NEGR1: variants seen among roughly 807,000 people sequenced by gnomAD.
The protein encoded by NEGR1 is neuronal growth regulator 1, also known as IgLON family member 4.
In NEGR1, 10 loss-of-function variants were observed where a neutral mutation model predicts 40.9. That is an observed-to-expected ratio of 0.24 (90% confidence interval 0.15 to 0.42). NEGR1 has a LOEUF of 0.42. NEGR1 is among the 10% of genes least tolerant of loss of function. The pLI is 1.00. For missense variants in NEGR1, 352 were observed against 438.9 expected (o/e 0.80, Z 1.77); for synonymous variants, 185 against 166.8 (o/e 1.11, Z -0.84).
intron 1 of NEGR1, among the ~76,000 whole-genome samples, chr1:72,177,040 G>T (rs1652192579): frequency 6.6e-6 from 1 of 152,034 alleles, no homozygotes; most frequent in South Asian, 2.1e-4. Context: ...AATGACTAAA[G>T]AAATAATTAT....
intron 2 of NEGR1, among the ~76,000 whole-genome samples, chr1:71,855,951 C>G (rs912037022): frequency 3.3e-5 from 5 of 151,902 alleles, no homozygotes; most frequent in Admixed American, 2.6e-4. Context: ...ACAGCCATAC[C>G]ACACAACTCC....
intron 2 of NEGR1, among the ~76,000 whole-genome samples, chr1:71,810,919 T>C (rs1265607616): frequency 6.6e-6 from 1 of 152,192 alleles, no homozygotes; most frequent in Admixed American, 6.6e-5. Context: ...AGCATTTCTT[T>C]ATAGCAGCGC....
At chr1:71,654,001 T>G (rs980656307) in intron 4 of NEGR1, among the ~76,000 whole-genome samples, 10 of 152,130 alleles carry the variant, frequency 6.6e-5, no homozygotes, top group Non-Finnish European at 1.5e-4. Context: ...TGGCTGTGTA[T>G]TATTCAAACT....
intron 4 of NEGR1, among the ~76,000 whole-genome samples, chr1:71,620,054 T>C (rs1003361923): frequency 2.6e-5 from 4 of 151,996 alleles, no homozygotes; most frequent in Admixed American, 6.6e-5. Context: ...AATGAAACTT[T>C]AGAGTTCCAA....
At chr1:71,862,969 A>G (rs1327714208) in intron 2 of NEGR1, among the ~76,000 whole-genome samples, 2 of 152,124 alleles carry the variant, frequency 1.3e-5, no homozygotes, top group African/African-American at 4.8e-5. Flanking sequence ...CAAGGTTGCA[A>G]AGAAAAAGGA....
intron 1 of NEGR1, among the ~76,000 whole-genome samples, chr1:72,017,674 A>ATT (rs926267390): frequency 1.4e-5 from 2 of 146,986 alleles, no homozygotes; most frequent in Admixed American, 6.8e-5. Context: ...CAATCCAATT[A>ATT]TTTTTTTTTT....
intron 2 of NEGR1, among the ~76,000 whole-genome samples, chr1:71,902,835 CTTCTAA>C (rs915108753): frequency 1.3e-5 from 2 of 151,886 alleles, no homozygotes; most frequent in African/African-American, 2.4e-5. Flanking sequence ...CAAGATGTCA[CTTCTAA>C]TTCTAAAGTA....
chr1:71,678,304 T>C (rs913189867), intron 4 of NEGR1, among the ~76,000 whole-genome samples: 6 of 152,178 alleles, frequency 3.9e-5, no homozygotes, highest in Admixed American at 1.3e-4. Flanking sequence ...TATGAACATA[T>C]GTAAACTGAA....
At chr1:72,141,860 T>C (rs1458348106) in intron 1 of NEGR1, among the ~76,000 whole-genome samples, 1 of 151,970 alleles carries the variant, frequency 6.6e-6, no homozygotes, top group African/African-American at 2.4e-5. Flanking sequence ...TTAGCAAAAG[T>C]AAATCTCCAT....
intron 3 of NEGR1, among the ~76,000 whole-genome samples, chr1:71,763,744 G>A (rs1656025557): frequency 1.6e-5 from 1 of 61,698 alleles, no homozygotes; most frequent in African/African-American, 3.9e-5. Flanking sequence ...TGCATATTTA[G>A]GAGTGTGTGT....
intron 1 of NEGR1, among the ~76,000 whole-genome samples, chr1:72,195,863 CTTG>C (rs1218903593): frequency 6.6e-6 from 1 of 152,014 alleles, no homozygotes; most frequent in East Asian, 1.9e-4. Context: ...TGCAATTTTT[CTTG>C]TTGTTATTGT....
At chr1:71,452,729 G>A (rs1430516777) in intron 6 of NEGR1, among the ~76,000 whole-genome samples, 2 of 151,300 alleles carry the variant, frequency 1.3e-5, no homozygotes, top group African/African-American at 4.9e-5. Context: ...AGTTATTAAT[G>A]AAGAAAAATT....
At chr1:72,034,457 C>T (rs926152132) in intron 1 of NEGR1, among the ~76,000 whole-genome samples, 6 of 152,192 alleles carry the variant, frequency 3.9e-5, no homozygotes, top group Non-Finnish European at 8.8e-5. Flanking sequence ...AAATCACAAG[C>T]TTTACATGCC....
intron 1 of NEGR1, among the ~76,000 whole-genome samples, chr1:72,214,005 A>T (rs2100467940): frequency 6.6e-6 from 1 of 152,228 alleles, no homozygotes. Context: ...CACATCAAAA[A>T]GCTGATCCAC....
intron 6 of NEGR1, among the ~76,000 whole-genome samples, chr1:71,576,069 A>T (rs1244414942): frequency 6.6e-6 from 1 of 152,152 alleles, no homozygotes; most frequent in African/African-American, 2.4e-5. Flanking sequence ...TGTCCAAGAA[A>T]CAACTTCCAG....
intron 1 of NEGR1, among the ~76,000 whole-genome samples, chr1:72,181,501 A>G (rs1187368742): frequency 6.6e-6 from 1 of 152,080 alleles, no homozygotes; most frequent in Non-Finnish European, 1.5e-5. Context: ...AACACTATGG[A>G]ATGTTCTAAA....
chr1:71,475,522 A>G, intron 6 of NEGR1, among the ~76,000 whole-genome samples: 1 of 152,208 alleles, frequency 6.6e-6, no homozygotes, highest in Admixed American at 6.5e-5. Context: ...TGTGCAATAA[A>G]TGTTATTAAT....
chr1:71,526,240 T>G (rs1647214821), intron 6 of NEGR1, among the ~76,000 whole-genome samples: 1 of 151,558 alleles, frequency 6.6e-6, no homozygotes, highest in African/African-American at 2.4e-5. Context: ...CTTAAATTTT[T>G]TACACTCTAA....
intron 6 of NEGR1, among the ~76,000 whole-genome samples, chr1:71,438,093 G>T (rs1252860701): frequency 6.6e-6 from 1 of 152,210 alleles, no homozygotes; most frequent in African/African-American, 2.4e-5. Flanking sequence ...TACAACGCTT[G>T]TTGAGAGTTT....
Sources: allele counts gnomAD v4.1 joint callset (sites outside exome capture counted in the v4.1 genomes callset), GRCh38; gene constraint gnomAD v4.1.1; transcripts MANE v1.5; gene names NCBI Gene and HGNC (gene_info 2026-07-23, HGNC 2026-07-21).